The following TEAD3 variants were observed in gnomAD, a reference collection of about 807,000 sequenced individuals.
TEAD3 encodes transcriptional enhancer factor TEF-5.
In TEAD3, 15 loss-of-function variants were observed where a neutral mutation model predicts 55.6. The ratio of observed to expected loss-of-function variants is 0.27; its 90% CI spans 0.18 to 0.42. The LOEUF is 0.42. Ranked by LOEUF, TEAD3 falls within the 10% of genes least tolerant of loss-of-function variation. The pLI, the probability that TEAD3 is intolerant of heterozygous loss-of-function variation, is 1.00. For synonymous variants in TEAD3, 210 were observed against 232.2 expected, an observed-to-expected ratio of 0.90 and a Z score of 0.87; for missense variants, 407 against 576.8, an observed-to-expected ratio of 0.71 and a Z score of 3.01.
chr6:35,490,756 C>T lies in TEAD3; in HGVS notation c.-49-4045G>A, dbSNP rs1581729614. ...GATCCTCTAACTGCTGGGACCCAGG[C>T]CGGGCTGAGAGAGGAGGCTATGGCT... On this transcript the variant is annotated intron_variant, in intron 1 of 12. Coordinates refer to ENST00000639578, the Ensembl canonical transcript of TEAD3. 2.0e-5 allele frequency among the ~76,000 whole-genome samples: 3 copies of T among 152,306 alleles called. 1 individual carries two copies. The highest frequency in any genetic ancestry group is 4.1e-4 in the South Asian group (2 of 4,830).
intron 3 of TEAD3, 26 bp from the exon 4 acceptor site, chr6:35,480,400 G>C (rs1768243792): frequency 6.2e-7 from 1 of 1,612,928 alleles, no homozygotes. Context: ...CGCCCCGCCA[G>C]AGAGGAAAAC....
Position 35,484,899 on chromosome 6 carries a change from C to G in TEAD3, c.203-275G>C, listed in dbSNP as rs979929604. ...TAGGAGGAAGGAGGGCCGAGCAGCA[C>G]TAGGCACCCTGACAGGCTTCCCTGC... On this transcript the variant is annotated intron_variant, in intron 2 of 12. Transcript: ENST00000639578. This position sits in a 1 kb window ranked among gnomAD's most constrained non-coding sequence, Gnocchi z 5.8. Among the ~76,000 whole-genome samples, 2 of 152,190 alleles carry G rather than the reference C, an allele frequency of 1.3e-5. No homozygotes were observed. Among genetic ancestry groups the G allele is most frequent in the Non-Finnish European group, 2.9e-5 (2 of 68,002 alleles).
At chr6:35,492,408 G>A (rs1768544434) in intron 1 of TEAD3, among the ~76,000 whole-genome samples, 1 of 152,012 alleles carries the variant, frequency 6.6e-6, no homozygotes, top group Non-Finnish European at 1.5e-5. Context: ...GCCATGCTCT[G>A]GGGCAGCAGA....
Position 35,484,599 on chromosome 6 carries a change from A to G in TEAD3, c.228T>C (p.Tyr76=). ...GAGTCTTCCCCGTCCTCAGTTTAAT[A>G]TAGCGTGCAATCAACTCATTTCGGC... The change falls in exon 3 of 13, where the codon TAT becomes TAC. Residue 76 remains tyrosine (Y), a synonymous_variant. Transcript: ENST00000639578. The surrounding 1 kb of genome is among the most constrained non-coding windows in gnomAD (Gnocchi z 5.8). 6.2e-7 allele frequency: 1 copy of G among 1,604,294 alleles called. No individual in the cohort carries two copies. Among genetic ancestry groups the G allele is most frequent in the East Asian group, 2.2e-5 (1 of 44,604 alleles).
At position 35,478,606 on chromosome 6, in the gene TEAD3, G is replaced by C. The variant is rs377052291; in HGVS notation, c.343-35C>G. On this transcript the variant is annotated intron_variant, in intron 5 of 12. Transcript: ENST00000639578. Reference sequence around the variant, plus strand: ...GGAGGCTGCATGAAGCCAGGGCCACGCTGGATGAGGCCAGGCTTGCTTTAG... The same window carrying C: ...GGAGGCTGCATGAAGCCAGGGCCACCCTGGATGAGGCCAGGCTTGCTTTAG... The C allele has an allele frequency of 1.3e-5, 20 of 1,557,294 alleles. No homozygotes were observed. In the African/African-American group the frequency reaches 2.7e-4, roughly 21 times the overall value.
In TEAD3 at chr6:35,496,825, C is replaced by G. The variant is rs902477947; in HGVS notation, c.-50+73G>C. On this transcript the variant is annotated intron_variant, in intron 1 of 12. Coordinates refer to ENST00000639578, the Ensembl canonical transcript of TEAD3. This position sits in a 1 kb window ranked among gnomAD's most constrained non-coding sequence, Gnocchi z 4.8. ...CCCAGTCCCCCTCGAGTGTCGCCCC[C>G]CCAGCCAGCCCAGCCGACCAACCAA... 12 of 152,412 alleles carry G rather than the reference C, an allele frequency of 7.9e-5. No homozygotes were observed. The highest frequency in any genetic ancestry group is 2.9e-4 in the African/African-American group (12 of 41,534). The allele number at this position is 152,412 out of a possible 1,614,324, so 9.4% of individuals were successfully genotyped here. A position where few individuals can be genotyped will look rare whatever the true frequency, so the allele number is the denominator to read the frequency against.
chr6:35,476,328 T>C (rs377601221), exon 9 of TEAD3: 6 of 1,612,272 alleles, frequency 3.7e-6, no homozygotes, highest in African/African-American at 2.7e-5. Flanking sequence ...TGCACCTCCA[T>C]GAAGGCTGAA....
At chr6:35,480,651 A>G (rs773392402) in intron 3 of TEAD3, among the ~76,000 whole-genome samples, 1 of 152,142 alleles carries the variant, frequency 6.6e-6, no homozygotes, top group Admixed American at 6.5e-5. Context: ...GACACTGCCA[A>G]TTCTGTTCTC....
At chr6:35,479,872 C>T (rs1561804585) in intron 4 of TEAD3, among the ~76,000 whole-genome samples, 1 of 152,214 alleles carries the variant, frequency 6.6e-6, no homozygotes, top group South Asian at 2.1e-4. Flanking sequence ...CCTTAGTGGC[C>T]CCCAGATGGT....
intron 3 of TEAD3, among the ~76,000 whole-genome samples, chr6:35,480,891 G>A (rs2206029): frequency 0.012 from 1,878 of 152,062 alleles, 52 homozygotes; most frequent in African/African-American, 0.041. Context: ...TTTTCTTATT[G>A]GCACCACAGG....
intron 1 of TEAD3, among the ~76,000 whole-genome samples, chr6:35,489,828 G>A (rs1768470441): frequency 1.3e-5 from 2 of 152,262 alleles, no homozygotes; most frequent in East Asian, 3.9e-4. Flanking sequence ...GAGGCCAGGA[G>A]TTCAAGACCA....
At chr6:35,479,688 G>C (rs1330217086) in intron 4 of TEAD3, among the ~76,000 whole-genome samples, 1 of 152,220 alleles carries the variant, frequency 6.6e-6, no homozygotes, top group East Asian at 1.9e-4. Context: ...CCCAGACTCT[G>C]AGATCCGCAG....
chr6:35,479,095 G>T (rs939417238), intron 5 of TEAD3, among the ~76,000 whole-genome samples: 1 of 152,052 alleles, frequency 6.6e-6, no homozygotes, highest in African/African-American at 2.4e-5. Flanking sequence ...GGTCAGGCTG[G>T]TCTCGATCCC....
At chr6:35,478,164 C>T (rs976284545) in intron 7 of TEAD3, 111 bp downstream of exon 7, 1 of 1,364,280 alleles carries the variant, frequency 7.3e-7, no homozygotes, top group South Asian at 1.3e-5. Context: ...CTGCATCCCT[C>T]TATTTTTGAA....
At chr6:35,476,220 G>A (rs1359803618) in intron 9 of TEAD3, 82 bp downstream of exon 9, 2 of 1,562,242 alleles carry the variant, frequency 1.3e-6, no homozygotes, top group African/African-American at 1.4e-5. Context: ...CCAACCCCCA[G>A]ATCCTGAGTT....
exon 8 of TEAD3, chr6:35,477,321 C>T (rs758203896): frequency 9.3e-6 from 15 of 1,607,942 alleles, no homozygotes; most frequent in Middle Eastern, 1.6e-4. Flanking sequence ...TGCTGAGCGT[C>T]GGCGGCAGGG....
intron 1 of TEAD3, among the ~76,000 whole-genome samples, chr6:35,493,271 A>C (rs981706708): frequency 6.6e-6 from 1 of 152,096 alleles, no homozygotes; most frequent in Non-Finnish European, 1.5e-5. Flanking sequence ...CATTAATTAC[A>C]TTCCTTCTTT....
intron 1 of TEAD3, among the ~76,000 whole-genome samples, chr6:35,492,353 G>A (rs1389477505): frequency 4.6e-5 from 7 of 151,992 alleles, no homozygotes; most frequent in African/African-American, 1.4e-4. Flanking sequence ...GCCCCACAGC[G>A]GGCCAGCTGT....
Position 35,496,685 on chromosome 6 carries a change from G to GGGGGGGTGGGGAGGGC in TEAD3, c.-50+197_-50+212dup, listed in dbSNP as rs1208231190. On this transcript the variant is annotated intron_variant, in intron 1 of 12. Transcript: ENST00000639578. The surrounding 1 kb of genome is among the most constrained non-coding windows in gnomAD (Gnocchi z 4.8). ...TCCCGGACCAACTCGTCCCCGTCGC[G>GGGGGGGTGGGGAGGGC]GGGGGGTGGGGAGGGCGGGGGGCGG... 2.0e-5 allele frequency among the ~76,000 whole-genome samples: 3 copies of GGGGGGGTGGGGAGGGC among 152,042 alleles called. No individual in the cohort carries two copies. The highest frequency in any genetic ancestry group is 4.4e-5 in the Non-Finnish European group (3 of 67,958).
Sources: allele counts gnomAD v4.1 joint callset (sites outside exome capture counted in the v4.1 genomes callset), GRCh38; gene constraint gnomAD v4.1.1; non-coding constraint Gnocchi (gnomAD v3.1); transcripts MANE v1.5; gene names NCBI Gene and HGNC (gene_info 2026-07-23, HGNC 2026-07-21).